Variants in RBM33 observed in about 807,000 individuals in gnomAD.
The protein encoded by RBM33 is RNA binding motif protein 33.
A neutral mutation model predicts 132.6 loss-of-function variants in RBM33; 28 were observed. That is an observed-to-expected ratio of 0.21 (90% confidence interval 0.16 to 0.29). RBM33 has a LOEUF of 0.29. Ranked by LOEUF, RBM33 falls within the 10% of genes least tolerant of loss-of-function variation. The probability of loss-of-function intolerance (pLI) is 1.00; values close to 1 mark genes in which losing one functional copy is unlikely to be tolerated. For synonymous variants in RBM33, 634 were observed against 593.0 expected, an observed-to-expected ratio of 1.07 and a Z score of -1.01; for missense variants, 1,291 against 1,518.5, an observed-to-expected ratio of 0.85 and a Z score of 2.49.
At chr7:155,729,597 T>C (rs2117010225) in intron 9 of RBM33, among the ~76,000 whole-genome samples, 1 of 151,976 alleles carries the variant, frequency 6.6e-6, no homozygotes, top group Non-Finnish European at 1.5e-5. Flanking sequence ...ATTAGCCAGA[T>C]ATGGTGGCTC....
At position 155,729,308 on chromosome 7, in the gene RBM33, C is replaced by T. The variant is rs529704482; in HGVS notation, c.1261-8222C>T. On this transcript the variant is annotated intron_variant, in intron 9 of 17. Transcript: ENST00000401878. ...TCGAGATGAGATTTGGGTGGGGATG[C>T]AGAGCCAAACCCTATCAGCATGGAA... Among the ~76,000 whole-genome samples the T allele has an allele frequency of 2.5e-4, 38 of 152,334 alleles. 1 individual carries two copies. In the East Asian group the frequency reaches 7.3e-3, roughly 29 times the overall value.
At chr7:155,674,073 G>A (rs538484232) in intron 3 of RBM33, among the ~76,000 whole-genome samples, 6 of 150,332 alleles carry the variant, frequency 4.0e-5, no homozygotes, top group African/African-American at 1.5e-4. Context: ...CCTGCAGGTC[G>A]CCTGGCTTTG....
In RBM33 at chr7:155,739,786, A is replaced by G. The variant is rs549860803; in HGVS notation, c.1809A>G (p.Pro603=). 1.7e-5 allele frequency: 25 copies of G among 1,437,708 alleles called. No individual in the cohort carries two copies. The African/African-American group carries it at 3.7e-4, about 21-fold the overall frequency. 89.1% of individuals were successfully genotyped at this position (1,437,708 alleles called of 1,614,324 possible). The change falls in exon 12 of 18, where the codon CCA becomes CCG. Residue 603 remains proline (P), a synonymous_variant. Coordinates refer to ENST00000401878, the MANE Select transcript of RBM33 (RefSeq NM_053043.3). The part of the protein sequence containing the change: ...QPQQPQQQPP[P]QHQPPHQPPH... ...AGCAACCTCAGCAACAGCCCCCGCCACAGCACCAGCCTCCGCACCAGCCCC... is the reference window on the plus strand; with the variant it reads ...AGCAACCTCAGCAACAGCCCCCGCCGCAGCACCAGCCTCCGCACCAGCCCC...
intron 11 of RBM33, 112 bp from the exon 12 acceptor site, chr7:155,739,603 G>T (rs1801247039): frequency 8.3e-7 from 1 of 1,202,498 alleles, no homozygotes; most frequent in Non-Finnish European, 1.1e-6. Flanking sequence ...TGAAGTTTTG[G>T]TATCGCTGAA....
At chr7:155,724,000 C>T (rs1195941176) in intron 9 of RBM33, among the ~76,000 whole-genome samples, 1 of 152,102 alleles carries the variant, frequency 6.6e-6, no homozygotes, top group East Asian at 1.9e-4. Context: ...AGACTTAAAC[C>T]TCAGTGTAGT....
intron 2 of RBM33, 113 bp from the exon 3 acceptor site, chr7:155,672,744 CAAAAAAAAAA>C: frequency 5.7e-6 from 2 of 349,998 alleles, no homozygotes; most frequent in Non-Finnish European, 9.9e-6. Flanking sequence ...GGCTTTGTCT[CAAAAAAAAAA>C]AAAAAAAAAA....
intron 8 of RBM33, among the ~76,000 whole-genome samples, chr7:155,714,628 C>A (rs974891784): frequency 3.9e-5 from 6 of 152,160 alleles, no homozygotes; most frequent in African/African-American, 1.4e-4. Flanking sequence ...TACCTCCAGA[C>A]CTTTGGCAAG....
intron 14 of RBM33, among the ~76,000 whole-genome samples, chr7:155,754,963 T>C (rs1801802875): frequency 6.6e-6 from 1 of 152,202 alleles, no homozygotes; most frequent in Non-Finnish European, 1.5e-5. Context: ...GATAATTCAT[T>C]GCAGAGAAGA....
intron 12 of RBM33, 27 bp from the exon 13 acceptor site, chr7:155,741,792 T>C (rs1801344708): frequency 6.3e-7 from 1 of 1,588,000 alleles, no homozygotes; most frequent in Non-Finnish European, 8.6e-7. Context: ...CCACTTACAA[T>C]TAGAATCTCT....
At chr7:155,770,037 T>C (rs1802365368) in intron 16 of RBM33, among the ~76,000 whole-genome samples, 1 of 152,084 alleles carries the variant, frequency 6.6e-6, no homozygotes, top group Non-Finnish European at 1.5e-5. Flanking sequence ...ACAGGGAAGA[T>C]GGGACAACCA....
At chr7:155,706,495 G>C (rs1185138481) in intron 6 of RBM33, among the ~76,000 whole-genome samples, 1 of 152,030 alleles carries the variant, frequency 6.6e-6, no homozygotes, top group Non-Finnish European at 1.5e-5. Flanking sequence ...CTCTGTCTCG[G>C]GGGGAAAAAG....
At chr7:155,713,825 A>G (rs1010409833) in intron 8 of RBM33, among the ~76,000 whole-genome samples, 2 of 152,192 alleles carry the variant, frequency 1.3e-5, no homozygotes, top group African/African-American at 4.8e-5. Flanking sequence ...GAAAAACATC[A>G]TTGATGCAGA....
chr7:155,746,165 G>T (rs1801510844), intron 14 of RBM33, among the ~76,000 whole-genome samples: 2 of 152,140 alleles, frequency 1.3e-5, no homozygotes, highest in African/African-American at 2.4e-5. Context: ...GCTTCTTATT[G>T]TAGATAATTT....
At chr7:155,757,248 A>G (rs1801880972) in intron 14 of RBM33, among the ~76,000 whole-genome samples, 1 of 152,234 alleles carries the variant, frequency 6.6e-6, no homozygotes, top group Non-Finnish European at 1.5e-5. Flanking sequence ...AGGAATGTGT[A>G]TGCTAGTTCA....
intron 16 of RBM33, among the ~76,000 whole-genome samples, chr7:155,770,652 AGAGG>A (rs1458471770): frequency 1.4e-5 from 2 of 145,902 alleles, no homozygotes; most frequent in Admixed American, 7.0e-5. Flanking sequence ...ATTGTTGGCC[AGAGG>A]GAGAAAAAGA....
intron 9 of RBM33, among the ~76,000 whole-genome samples, chr7:155,720,441 A>G (rs1177405118): frequency 1.3e-5 from 2 of 152,206 alleles, no homozygotes; most frequent in Non-Finnish European, 2.9e-5. Context: ...TGGGAAGGAA[A>G]ATAAACTCTA....
At chr7:155,707,942 G>A (rs768331188) in intron 7 of RBM33, among the ~76,000 whole-genome samples, 4 of 152,206 alleles carry the variant, frequency 2.6e-5, no homozygotes, top group Non-Finnish European at 4.4e-5. Context: ...TTACGGGCGT[G>A]AGCCACTGGG....
chr7:155,775,698 C>T lies in RBM33; in HGVS notation c.*657C>T. The T allele has an allele frequency of 6.4e-6, 1 of 157,332 alleles. No homozygotes were observed. Among genetic ancestry groups the T allele is most frequent in the Admixed American group, 6.0e-5 (1 of 16,606 alleles). The allele number at this position is 157,332 out of a possible 1,614,324, so 9.7% of individuals were successfully genotyped here. On this transcript the variant is annotated 3_prime_UTR_variant, in exon 18 of 18. Coordinates refer to ENST00000401878, the MANE Select transcript of RBM33 (RefSeq NM_053043.3). ...GTGTTCCTAGTTTCGATGAACTCCC[C>T]ATTCATTTTTAACACACTTCCCAGA... is the stretch of plus-strand genomic sequence containing the variant.
At position 155,700,761 on chromosome 7, in the gene RBM33, TCTGCA is replaced by T. The variant is rs1799939064; in HGVS notation, c.568-11_568-7del. 1 of 1,539,236 alleles carries T rather than the reference TCTGCA, an allele frequency of 6.5e-7. No homozygotes were observed. The highest frequency in any genetic ancestry group is 1.4e-5 in the African/African-American group (1 of 72,480). On this transcript the variant is annotated splice_polypyrimidine_tract_variant and splice_region_variant and intron_variant, in intron 5 of 17. Transcript: ENST00000401878. The stretch of plus-strand genomic sequence containing the variant: ...TACTGTCCTTTTTTTGCCTTGTGTA[TCTGCA>T]ATATAGGGAGGTATGGAAACATTGG...
Sources: gnomAD v4.1 joint callset for allele counts (sites outside exome capture counted in the v4.1 genomes callset) on GRCh38, gnomAD v4.1.1 for gene constraint, MANE v1.5 for transcripts, NCBI Gene and HGNC (gene_info 2026-07-23, HGNC 2026-07-21) for gene names.